MEF2C: variants seen among roughly 807,000 people sequenced by gnomAD.
The protein encoded by MEF2C is myocyte-specific enhancer factor 2C.
MEF2C carries 6 observed loss-of-function variants against 50.5 expected under a neutral mutation model. The observed-to-expected ratio is 0.12, with a 90% CI of 0.07 to 0.23. The LOEUF (loss-of-function observed/expected upper bound fraction) is 0.23, where lower values mean the gene tolerates loss of function less well. Ranked by LOEUF, MEF2C falls within the 10% of genes least tolerant of loss-of-function variation. The pLI is 1.00. For synonymous variants in MEF2C, 183 were observed against 228.0 expected, an observed-to-expected ratio of 0.80 and a Z score of 1.78; for missense variants, 276 against 605.0, an observed-to-expected ratio of 0.46 and a Z score of 5.70.
At chr5:88,756,734 T>C (rs1338941978) in intron 4 of MEF2C, among the ~76,000 whole-genome samples, 1 of 152,210 alleles carries the variant, frequency 6.6e-6, no homozygotes, top group Non-Finnish European at 1.5e-5. Flanking sequence ...GCATTATTCT[T>C]TTTCTCCTTG....
chr5:88,748,860 A>T (rs1270362748), intron 6 of MEF2C: 1 of 985,206 alleles, frequency 1.0e-6, no homozygotes, highest in African/African-American at 1.7e-5. Flanking sequence ...AGCTTTATTA[A>T]GGAAGGTTCT....
chr5:88,748,969 G>T, intron 6 of MEF2C, 101 bp downstream of exon 6: 1 of 1,540,774 alleles, frequency 6.5e-7, no homozygotes, highest in South Asian at 1.2e-5. Flanking sequence ...GCCTCTCACA[G>T]ATCTCTTAAC....
intron 3 of MEF2C, among the ~76,000 whole-genome samples, chr5:88,797,030 T>C (rs1796295121): frequency 6.6e-6 from 1 of 152,100 alleles, no homozygotes. Flanking sequence ...TGCTGAAGAG[T>C]GTTTTACTTC....
At chr5:88,874,859 G>C (rs949677602) in intron 1 of MEF2C, among the ~76,000 whole-genome samples, 1 of 151,750 alleles carries the variant, frequency 6.6e-6, no homozygotes, top group African/African-American at 2.4e-5. Context: ...AATAAAATTA[G>C]AACAAATATT....
At chr5:88,744,395 T>C (rs1392763006) in intron 6 of MEF2C, among the ~76,000 whole-genome samples, 1 of 152,028 alleles carries the variant, frequency 6.6e-6, no homozygotes, top group East Asian at 1.9e-4. Flanking sequence ...TCTACTAAAA[T>C]ACAGAATATT....
chr5:88,838,604 C>T (rs1816088742), intron 1 of MEF2C: 1 of 985,348 alleles, frequency 1.0e-6, no homozygotes, highest in Non-Finnish European at 1.2e-6. Context: ...GATATCTCAT[C>T]CCCAAAGCTT....
intron 3 of MEF2C, among the ~76,000 whole-genome samples, chr5:88,800,174 C>A (rs1056449072): frequency 5.9e-5 from 9 of 152,106 alleles, no homozygotes; most frequent in African/African-American, 2.2e-4. Flanking sequence ...CTAAGTGATA[C>A]TCCCATAAGG....
intron 3 of MEF2C, among the ~76,000 whole-genome samples, chr5:88,794,948 G>C (rs2152993194): frequency 6.6e-6 from 1 of 152,276 alleles, no homozygotes; most frequent in Admixed American, 6.5e-5. Flanking sequence ...AGATAAGATA[G>C]TTGTAGATGT....
intron 3 of MEF2C, among the ~76,000 whole-genome samples, chr5:88,798,182 G>A (rs924404962): frequency 7.9e-5 from 12 of 152,070 alleles, no homozygotes; most frequent in African/African-American, 9.7e-5. Context: ...TTGAATGTTG[G>A]CCTGTCTTGC....
chr5:88,904,060 G>A (rs1429335033), upstream of MEF2C: 30 of 150,406 alleles, frequency 2.0e-4, no homozygotes, highest in East Asian at 7.8e-4. Flanking sequence ...TTTGGGCTGC[G>A]TTTGCCTCCT....
intron 1 of MEF2C, among the ~76,000 whole-genome samples, chr5:88,857,462 C>T (rs1282038093): frequency 1.3e-5 from 2 of 152,122 alleles, no homozygotes; most frequent in African/African-American, 4.8e-5. Context: ...GTTGGAAAGG[C>T]ATAATTGCAT....
chr5:88,729,451 T>A, intron 8 of MEF2C, 104 bp from the exon 9 acceptor site: 1 of 1,046,208 alleles, frequency 9.6e-7, no homozygotes, highest in South Asian at 1.4e-5. Context: ...TTGGTACAAA[T>A]CTCATGAAAT....
rs571712229 is a variant in MEF2C at position 88,717,788 on chromosome 5, T to C, written c.*4816A>G. The C allele has an allele frequency of 1.3e-5, 2 of 152,242 alleles. No individual in the cohort carries two copies. Among genetic ancestry groups the C allele is most frequent in the African/African-American group, 4.8e-5 (2 of 41,476 alleles). 9.4% of individuals were successfully genotyped at this position (152,242 alleles called of 1,614,324 possible). ...TAGTCTCTAAAATGTATGAATTCACTAATTTATTCAGATTTATAAGCCTAT... is the reference window on the plus strand; with the variant it reads ...TAGTCTCTAAAATGTATGAATTCACCAATTTATTCAGATTTATAAGCCTAT... On this transcript the variant is annotated 3_prime_UTR_variant, in exon 11 of 11. Coordinates refer to ENST00000504921, the MANE Select transcript of MEF2C (RefSeq NM_002397.5).
chr5:88,895,549 A>G (rs1043968243), intron 1 of MEF2C, among the ~76,000 whole-genome samples: 9 of 152,180 alleles, frequency 5.9e-5, no homozygotes, highest in African/African-American at 1.9e-4. Flanking sequence ...GTGGCTTCCT[A>G]TTAGATCCCA....
chr5:88,871,686 C>T (rs920419151), intron 1 of MEF2C, among the ~76,000 whole-genome samples: 1 of 151,900 alleles, frequency 6.6e-6, no homozygotes, highest in African/African-American at 2.4e-5. Context: ...AAAGGGGTTC[C>T]CTGACACCAG....
intron 6 of MEF2C, chr5:88,733,099 A>G: frequency 1.1e-5 from 11 of 985,400 alleles, no homozygotes; most frequent in Non-Finnish European, 1.3e-5. Flanking sequence ...GTGCCTGCAG[A>G]GTAATCCAGA....
At chr5:88,853,065 C>T (rs1821970633) in intron 1 of MEF2C, among the ~76,000 whole-genome samples, 1 of 152,042 alleles carries the variant, frequency 6.6e-6, no homozygotes, top group Non-Finnish European at 1.5e-5. Context: ...CTCTGTAAAA[C>T]TGAAAAAAAT....
intron 3 of MEF2C, among the ~76,000 whole-genome samples, chr5:88,792,031 T>A (rs867304087): frequency 1.2e-4 from 18 of 152,074 alleles, no homozygotes; most frequent in African/African-American, 4.1e-4. Context: ...AAGATCTATA[T>A]CAATTATGTT....
intron 6 of MEF2C, chr5:88,748,114 A>T: frequency 1.0e-6 from 1 of 984,290 alleles, no homozygotes; most frequent in Non-Finnish European, 1.2e-6. Flanking sequence ...GAACAGAGAA[A>T]CTCTACCCTC....
Sources: gnomAD v4.1 joint callset for allele counts (sites outside exome capture counted in the v4.1 genomes callset) on GRCh38, gnomAD v4.1.1 for gene constraint, MANE v1.5 for transcripts, NCBI Gene and HGNC (gene_info 2026-07-23, HGNC 2026-07-21) for gene names.